MYO19: variants seen among roughly 807,000 people sequenced by gnomAD.
MYO19 encodes the protein myosin XIX.
A neutral mutation model predicts 129.2 loss-of-function variants in MYO19; 132 were observed. The observed-to-expected ratio is 1.02, with a 90% CI of 0.89 to 1.18. MYO19 has a LOEUF of 1.18. Ranked by LOEUF, MYO19 falls within the 50% of genes most tolerant of loss-of-function variation. The pLI is 0.00. For missense variants in MYO19, 1,210 were observed against 1,216.7 expected, an observed-to-expected ratio of 0.99 and a Z score of 0.08; for synonymous variants, 531 against 477.2, an observed-to-expected ratio of 1.11 and a Z score of -1.47.
intron 2 of MYO19, among the ~76,000 whole-genome samples, chr17:36,540,913 A>C (rs1014860011): frequency 1.3e-5 from 2 of 152,222 alleles, no homozygotes; most frequent in African/African-American, 4.8e-5. Flanking sequence ...GAAAGATAAC[A>C]AAGTGAGGAG....
In MYO19 at chr17:36,501,062, AGCTCACC is replaced by A. The variant is rs758317991; in HGVS notation, c.2247_2247+6del. ...TCTGTAACCTCCTCATCCCCAAACC[AGCTCACC>A]ATAGAGTCAGTCATGAACACCTTGG... is the stretch of plus-strand genomic sequence containing the variant. On this transcript the variant is annotated splice_donor_variant and splice_donor_5th_base_variant and coding_sequence_variant and intron_variant, in exon 22 of 26. Transcript: ENST00000614623. LOFTEE classifies it high-confidence loss of function. 6.2e-7 allele frequency: 1 copy of A among 1,606,730 alleles called. No individual in the cohort carries two copies. Among genetic ancestry groups the A allele is most frequent in the South Asian group, 1.1e-5 (1 of 90,754 alleles).
chr17:36,513,090 A>G, intron 11 of MYO19: 1 of 1,322,840 alleles, frequency 7.6e-7, no homozygotes, highest in Non-Finnish European at 9.7e-7. Context: ...GAGAAGTGTG[A>G]ACATGACTTG....
At chr17:36,508,719 C>T (rs567350495) in intron 14 of MYO19, 35 of 264,860 alleles carry the variant, frequency 1.3e-4, no homozygotes, top group Admixed American at 9.3e-4. Context: ...GTGTGAGCCA[C>T]GGTGCCAGCC....
At chr17:36,519,435 T>A (rs1203345745) in intron 6 of MYO19, among the ~76,000 whole-genome samples, 2 of 152,312 alleles carry the variant, frequency 1.3e-5, no homozygotes, top group South Asian at 4.1e-4. Context: ...TTTGAACTTA[T>A]CCACGAGTAG....
chr17:36,505,415 G>C lies in MYO19; in HGVS notation c.1798-11C>G, dbSNP rs1177640375. On this transcript the variant is annotated splice_polypyrimidine_tract_variant and intron_variant, in intron 18 of 25. Coordinates refer to ENST00000614623, the MANE Select transcript of MYO19 (RefSeq NM_001163735.2). ...CTGCTCCAGTGAGGCCTGCAGATGA[G>C]AGACCATGGGGTTAGGCAGGGAGAG... The C allele has an allele frequency of 2.5e-6, 4 of 1,611,272 alleles. No individual in the cohort carries two copies. The Admixed American group carries it at 5.0e-5, about 20-fold the overall frequency.
At chr17:36,525,735 G>A (rs889826501) in intron 5 of MYO19, among the ~76,000 whole-genome samples, 1 of 152,182 alleles carries the variant, frequency 6.6e-6, no homozygotes, top group Non-Finnish European at 1.5e-5. Flanking sequence ...AGGAATGTGA[G>A]GTTCAGAGGA....
Position 36,515,912 on chromosome 17 carries a change from C to T in MYO19, c.493G>A (p.Ala165Thr). The change falls in exon 7 of 26, where the codon GCA (alanine) becomes ACA (threonine). Residue 165 changes from alanine (A) to threonine (T), a missense_variant. Coordinates refer to ENST00000614623, the MANE Select transcript of MYO19 (RefSeq NM_001163735.2). ...AGGATCCTCTGTTCTATCCTCTCTG[C>T]AATCTTGTGGCTCTCCCAAGATGCA... Reference protein sequence around the residue: ...SPASWESHKIAERIEQRILNS... With the variant: ...SPASWESHKITERIEQRILNS... 1 of 1,613,896 alleles carries T rather than the reference C, an allele frequency of 6.2e-7. No homozygotes were observed. Among genetic ancestry groups the T allele is most frequent in the Non-Finnish European group, 8.5e-7 (1 of 1,179,826 alleles).
At chr17:36,511,018 G>T in intron 12 of MYO19, 101 bp from the exon 13 acceptor site, 1 of 1,337,668 alleles carries the variant, frequency 7.5e-7, no homozygotes, top group Non-Finnish European at 1.0e-6. Flanking sequence ...TGCCCAACTG[G>T]ACAGAAGAAA....
rs1228512383 is a variant in MYO19 at position 36,525,344 on chromosome 17, G to A, written c.301-3C>T. Reference sequence around the variant, plus strand: ...GTGAACACATGGGGCTTCAGTTTCTGGAACATCAAGGAGTGAAAGGTCATG... The same window carrying A: ...GTGAACACATGGGGCTTCAGTTTCTAGAACATCAAGGAGTGAAAGGTCATG... On this transcript the variant is annotated splice_polypyrimidine_tract_variant and splice_region_variant and intron_variant, in intron 5 of 25. Transcript: ENST00000614623. The A allele has an allele frequency of 6.2e-7, 1 of 1,600,260 alleles. No homozygotes were observed. Among genetic ancestry groups the A allele is most frequent in the Admixed American group, 1.7e-5 (1 of 59,844 alleles).
intron 6 of MYO19, among the ~76,000 whole-genome samples, chr17:36,521,128 T>G (rs1286147892): frequency 6.6e-6 from 1 of 152,240 alleles, no homozygotes; most frequent in African/African-American, 2.4e-5. Context: ...GAATCTTTTC[T>G]GGAGACACCA....
chr17:36,538,543 ATC>A (rs1223732394), upstream of MYO19: 1 of 1,613,702 alleles, frequency 6.2e-7, no homozygotes, highest in Non-Finnish European at 8.5e-7. Context: ...TTTGTGGTCA[ATC>A]TCTATATGTT....
At position 36,533,989 on chromosome 17, in the gene MYO19, C is replaced by G. The variant is rs191493282; in HGVS notation, c.-180G>C. The G allele has an allele frequency of 2.0e-5, 3 of 152,416 alleles. No individual in the cohort carries two copies. Among genetic ancestry groups the G allele is most frequent in the African/African-American group, 7.2e-5 (3 of 41,596 alleles). 9.4% of individuals were successfully genotyped at this position (152,416 alleles called of 1,614,324 possible). On this transcript the variant is annotated 5_prime_UTR_variant, in exon 2 of 26. It removes an upstream start codon present in the reference 5' UTR. Coordinates refer to ENST00000614623, the MANE Select transcript of MYO19 (RefSeq NM_001163735.2). ...CTCTGCAAATGTTATTACGATGCAG[C>G]ATCAGCTCCTAGCTGGAGTCAAGTG...
Position 36,503,154 on chromosome 17 carries a change from G to A in MYO19, c.2023C>T (p.Leu675Phe). Residue 675 changes from leucine (L) to phenylalanine (F), a missense_variant, in exon 21 of 26, where the codon CTT becomes TTT. Physicochemically the swap from Leu to Phe is conservative, Grantham distance 22 (BLOSUM62 0). Coordinates refer to ENST00000614623, the MANE Select transcript of MYO19 (RefSeq NM_001163735.2). Reference protein sequence around the residue: ...FVERYKLLRRLHPCTSSGPDS... With the variant: ...FVERYKLLRRFHPCTSSGPDS... ...GGGCCAGAGGATGTGCAAGGATGAAGCCTTCTTAGTAACTTGTATCGTTCT... is the reference window on the plus strand; with the variant it reads ...GGGCCAGAGGATGTGCAAGGATGAAACCTTCTTAGTAACTTGTATCGTTCT... The A allele has an allele frequency of 6.2e-7, 1 of 1,614,046 alleles. No homozygotes were observed. The highest frequency in any genetic ancestry group is 8.5e-7 in the Non-Finnish European group (1 of 1,179,906).
At chr17:36,510,707 C>T (rs2306593) in intron 13 of MYO19, 39 bp downstream of exon 13, 729,325 of 1,543,672 alleles carry the variant, frequency 0.47, 174,868 homozygotes, top group East Asian at 0.55. Context: ...GAGCACTTGT[C>T]GGGGTCCTCC....
At chr17:36,528,694 TCA>T (rs2073645625) in intron 3 of MYO19, among the ~76,000 whole-genome samples, 1 of 152,220 alleles carries the variant, frequency 6.6e-6, no homozygotes, top group African/African-American at 2.4e-5. Context: ...CCTCTTTGAG[TCA>T]CAGTTTGTTT....
chr17:36,499,342 T>C (rs2071293682), intron 23 of MYO19, 182 bp from the exon 24 acceptor site: 1 of 444,684 alleles, frequency 2.2e-6, no homozygotes, highest in Non-Finnish European at 4.2e-6. Flanking sequence ...TTTTAAACAT[T>C]CCTTACACTG....
upstream of MYO19, among the ~76,000 whole-genome samples, chr17:36,544,007 C>A (rs1401402193): frequency 6.6e-6 from 1 of 152,232 alleles, no homozygotes; most frequent in Non-Finnish European, 1.5e-5. Context: ...CCAGGACTTT[C>A]ATAGGCTAAA....
chr17:36,542,609 GA>G (rs2074202797), intron 1 of MYO19, among the ~76,000 whole-genome samples: 1 of 151,594 alleles, frequency 6.6e-6, no homozygotes, highest in Non-Finnish European at 1.5e-5. Context: ...TGAGGCAGGA[GA>G]ATGGCATGAA....
chr17:36,542,186 AG>A (rs1255233923), intron 1 of MYO19: 5 of 152,216 alleles, frequency 3.3e-5, no homozygotes, highest in Non-Finnish European at 7.3e-5. Flanking sequence ...AACCCAAATT[AG>A]GGAAAGTAAG....
Sources: gnomAD v4.1 joint callset for allele counts (sites outside exome capture counted in the v4.1 genomes callset) on GRCh38, gnomAD v4.1.1 for gene constraint, MANE v1.5 for transcripts, NCBI Gene and HGNC (gene_info 2026-07-23, HGNC 2026-07-21) for gene names.